Variants in KIF24 observed in about 807,000 individuals in gnomAD.
KIF24 encodes the protein kinesin-like protein KIF24.
Under a neutral mutation model 118.9 loss-of-function variants are expected in KIF24, and 81 were observed. The ratio of observed to expected loss-of-function variants is 0.68; its 90% CI spans 0.57 to 0.82. The LOEUF (loss-of-function observed/expected upper bound fraction) is 0.82. KIF24 is among the 40% of genes least tolerant of loss of function. The pLI is 0.00. For synonymous variants in KIF24, 599 were observed against 610.0 expected (o/e 0.98, Z 0.27); for missense variants, 1,560 against 1,661.6 (o/e 0.94, Z 1.06).
intron 10 of KIF24, 136 bp from the exon 11 acceptor site, chr9:34,258,117 A>G (rs1834928394): frequency 5.8e-6 from 4 of 691,790 alleles, no homozygotes; most frequent in African/African-American, 1.8e-5. Flanking sequence ...GGGATAGAAT[A>G]AGAGGAAAAG....
At chr9:34,287,666 G>A (rs1235141086) in intron 5 of KIF24, among the ~76,000 whole-genome samples, 2 of 152,132 alleles carry the variant, frequency 1.3e-5, no homozygotes, top group African/African-American at 4.8e-5. Context: ...AGGATTGGAG[G>A]GAAACAGCCT....
chr9:34,283,460 T>C (rs1835928894), intron 6 of KIF24, among the ~76,000 whole-genome samples: 1 of 152,172 alleles, frequency 6.6e-6, no homozygotes, highest in African/African-American at 2.4e-5. Context: ...TAGTGGATCA[T>C]ACACTTTAAA....
chr9:34,302,817 C>T (rs538996774), intron 3 of KIF24, among the ~76,000 whole-genome samples: 6 of 149,798 alleles, frequency 4.0e-5, no homozygotes, highest in Non-Finnish European at 8.9e-5. Context: ...CCTCTCTCTC[C>T]CAGTCTGGAG....
chr9:34,298,272 C>A (rs1250935618), intron 3 of KIF24, among the ~76,000 whole-genome samples: 3 of 152,126 alleles, frequency 2.0e-5, no homozygotes, highest in Admixed American at 2.0e-4. Context: ...AGGCCGGGCG[C>A]AGTGGCTCCA....
In KIF24 at chr9:34,310,971, C is replaced by A. The variant is rs1338338714; in HGVS notation, c.376G>T (p.Ala126Ser). 1 of 1,613,956 alleles carries A rather than the reference C, an allele frequency of 6.2e-7. No homozygotes were observed. The highest frequency in any genetic ancestry group is 2.2e-5 in the East Asian group (1 of 44,884). The change falls in exon 2 of 13, where the codon GCA becomes TCA. Residue 126 changes from alanine to serine, a missense_variant. Ala to Ser is a moderately conservative substitution (Grantham distance 99). This residue lies in a region of KIF24 where 964 missense variants were observed against 988.0 expected (regional missense o/e 0.98). Transcript: ENST00000402558. Reference protein sequence around the residue: ...FEMCSLSDFSANEQKSTYLKV... With the variant: ...FEMCSLSDFSSNEQKSTYLKV... Reference sequence around the variant, plus strand: ...AGGTAAGTGGACTTCTGTTCATTTGCAGAGAAATCTGATAAACTGCACATT... The same window carrying A: ...AGGTAAGTGGACTTCTGTTCATTTGAAGAGAAATCTGATAAACTGCACATT...
At chr9:34,272,890 G>A (rs1406401109) in intron 6 of KIF24, among the ~76,000 whole-genome samples, 3 of 151,890 alleles carry the variant, frequency 2.0e-5, no homozygotes, top group Non-Finnish European at 2.9e-5. Flanking sequence ...CCTCAAAGTG[G>A]TAGGATTATG....
chr9:34,304,304 G>C (rs920730368), intron 3 of KIF24, among the ~76,000 whole-genome samples: 4 of 152,150 alleles, frequency 2.6e-5, no homozygotes, highest in Non-Finnish European at 5.9e-5. Context: ...GACAGGTAAG[G>C]ATTCGGACCT....
chr9:34,293,723 C>A (rs1836347809), intron 4 of KIF24, among the ~76,000 whole-genome samples: 1 of 152,160 alleles, frequency 6.6e-6, no homozygotes, highest in Admixed American at 6.5e-5. Context: ...TTGCAGTAAG[C>A]CAACATCGCG....
chr9:34,313,372 A>G (rs1837230274), intron 1 of KIF24, among the ~76,000 whole-genome samples: 1 of 152,236 alleles, frequency 6.6e-6, no homozygotes, highest in African/African-American at 2.4e-5. Context: ...AAATAAAATG[A>G]TAATTGTTTT....
chr9:34,263,942 C>CTCA (rs1240904545), intron 8 of KIF24, among the ~76,000 whole-genome samples: 2 of 151,936 alleles, frequency 1.3e-5, no homozygotes, highest in African/African-American at 2.4e-5. Flanking sequence ...ATGTTCCTTG[C>CTCA]TCATGGCTGT....
At chr9:34,262,195 C>T (rs1394734166) in intron 9 of KIF24, among the ~76,000 whole-genome samples, 1 of 152,098 alleles carries the variant, frequency 6.6e-6, no homozygotes, top group African/African-American at 2.4e-5. Flanking sequence ...TCCCAAAGTG[C>T]TGGGATTACA....
intron 2 of KIF24, among the ~76,000 whole-genome samples, chr9:34,310,069 C>T (rs554416554): frequency 6.6e-6 from 1 of 151,168 alleles, no homozygotes; most frequent in South Asian, 2.1e-4. Flanking sequence ...GACCTTATTT[C>T]AAATTCTAAC....
At chr9:34,313,518 G>C (rs1837235659) in intron 1 of KIF24, among the ~76,000 whole-genome samples, 3 of 151,136 alleles carry the variant, frequency 2.0e-5, no homozygotes, top group Admixed American at 1.3e-4. Context: ...TTTAGAGATA[G>C]GGTCTTTGGA....
chr9:34,276,081 C>T (rs1032252797), intron 6 of KIF24, among the ~76,000 whole-genome samples: 1 of 152,216 alleles, frequency 6.6e-6, no homozygotes, highest in African/African-American at 2.4e-5. Context: ...GGGGCACTTA[C>T]AATAAATTCA....
At chr9:34,289,818 TTA>T (rs2131749376) in intron 5 of KIF24, among the ~76,000 whole-genome samples, 1 of 152,284 alleles carries the variant, frequency 6.6e-6, no homozygotes, top group Non-Finnish European at 1.5e-5. Flanking sequence ...AAAACATTAT[TTA>T]TAGTTTTTCC....
intron 6 of KIF24, among the ~76,000 whole-genome samples, chr9:34,285,950 A>AT (rs71302882): frequency 6.9e-6 from 1 of 145,266 alleles, no homozygotes; most frequent in Non-Finnish European, 1.5e-5. Context: ...AAAAAAAAAA[A>AT]GTAAAAAGAA....
intron 6 of KIF24, among the ~76,000 whole-genome samples, chr9:34,273,066 G>T (rs868625711): frequency 6.6e-6 from 1 of 151,918 alleles, no homozygotes. Flanking sequence ...TGTGATTACA[G>T]AGCAAGACCC....
Position 34,259,582 on chromosome 9 carries a change from G to T in KIF24, c.1625+14C>A. Reference sequence around the variant, plus strand: ...CACACTTACACACAACCTGCCATCTGGGAGCTGACTTACCGGTCAGCATAG... The same window carrying T: ...CACACTTACACACAACCTGCCATCTTGGAGCTGACTTACCGGTCAGCATAG... On this transcript the variant is annotated intron_variant, in intron 10 of 12. Coordinates refer to ENST00000402558, the MANE Select transcript of KIF24 (RefSeq NM_194313.4). 6.3e-7 allele frequency: 1 copy of T among 1,599,396 alleles called. No homozygotes were observed. Among genetic ancestry groups the T allele is most frequent in the Non-Finnish European group, 8.6e-7 (1 of 1,166,844 alleles).
At position 34,254,321 on chromosome 9, in the gene KIF24, C is replaced by T; in HGVS notation, c.*59G>A. ...GAGGACCTGGCAGAGGCTCCTCCAG[C>T]CTGAGAGCCCAGCACAGACTCCTGC... On this transcript the variant is annotated 3_prime_UTR_variant, in exon 13 of 13. Transcript: ENST00000402558. The T allele has an allele frequency of 6.6e-7, 1 of 1,509,790 alleles. No individual in the cohort carries two copies. Among genetic ancestry groups the T allele is most frequent in the Non-Finnish European group, 8.8e-7 (1 of 1,132,610 alleles). The allele number at this position is 1,509,790 out of a possible 1,614,324, so 93.5% of individuals were successfully genotyped here.
Sources: allele counts gnomAD v4.1 joint callset (sites outside exome capture counted in the v4.1 genomes callset), GRCh38; gene constraint gnomAD v4.1.1; regional missense constraint gnomAD v4.1.1; transcripts MANE v1.5; gene names NCBI Gene and HGNC (gene_info 2026-07-23, HGNC 2026-07-21).